The following CNTN1 variants were observed in gnomAD, a reference collection of about 807,000 sequenced individuals.
CNTN1 encodes contactin-1.
A neutral mutation model predicts 126.4 loss-of-function variants in CNTN1; 38 were observed. The observed-to-expected ratio is 0.30, with a 90% CI of 0.23 to 0.39. The LOEUF (loss-of-function observed/expected upper bound fraction) is 0.39, where lower values mean the gene tolerates loss of function less well. CNTN1 is among the 10% of genes least tolerant of loss of function. The pLI, the probability that CNTN1 is intolerant of heterozygous loss-of-function variation, is 1.00. For synonymous variants in CNTN1, 413 were observed against 422.6 expected (o/e 0.98, Z 0.28); for missense variants, 1,009 against 1,248.4 (o/e 0.81, Z 2.89).
At chr12:41,067,267 C>T (rs1950065228) in intron 23 of CNTN1, among the ~76,000 whole-genome samples, 2 of 152,010 alleles carry the variant, frequency 1.3e-5, no homozygotes, top group Non-Finnish European at 2.9e-5. Flanking sequence ...ATGTCAAAGC[C>T]ACAAATTATG....
chr12:40,807,077 A>G (rs151029183), intron 1 of CNTN1, among the ~76,000 whole-genome samples: 396 of 152,206 alleles, frequency 2.6e-3, no homozygotes, highest in African/African-American at 8.9e-3. Context: ...GATAATTCAT[A>G]CAAAATAATC....
chr12:41,017,060 C>A, intron 19 of CNTN1, 144 bp downstream of exon 19: 1 of 697,444 alleles, frequency 1.4e-6, no homozygotes, highest in Non-Finnish European at 2.6e-6. Context: ...CTATTTTGAA[C>A]CAAATTAAAC....
At chr12:40,801,171 C>T (rs1029097669) in intron 1 of CNTN1, among the ~76,000 whole-genome samples, 5 of 151,882 alleles carry the variant, frequency 3.3e-5, no homozygotes, top group Admixed American at 1.3e-4. Context: ...CAGCAAGCAT[C>T]TCAGTTCTAG....
chr12:40,774,500 T>C (rs1311062632), intron 1 of CNTN1, among the ~76,000 whole-genome samples: 1 of 151,674 alleles, frequency 6.6e-6, no homozygotes, highest in Non-Finnish European at 1.5e-5. Flanking sequence ...TTATAGAAAA[T>C]ATATGTGATC....
Position 41,043,584 on chromosome 12 carries a change from C to T in CNTN1, c.2980+14365C>T, listed in dbSNP as rs1001600262. On this transcript the variant is annotated intron_variant, in intron 23 of 23. Transcript: ENST00000551295. ...AACTAGTTCAACCATTGTGGAAGTC[C>T]GTGTGGCAATTCCTCAGGGGTCTAG... 3.3e-5 allele frequency among the ~76,000 whole-genome samples: 5 copies of T among 151,968 alleles called. No homozygotes were observed. In the East Asian group the frequency reaches 7.7e-4, roughly 24 times the overall value.
chr12:40,843,105 A>C (rs909223987), intron 1 of CNTN1, among the ~76,000 whole-genome samples: 3 of 152,184 alleles, frequency 2.0e-5, no homozygotes, highest in Non-Finnish European at 4.4e-5. Context: ...TTTCCAATGA[A>C]AACTAACTCC....
In CNTN1 at chr12:40,852,350, T is replaced by A. The variant is rs141901539; in HGVS notation, c.-76-56007T>A. Among the ~76,000 whole-genome samples the A allele has an allele frequency of 3.5e-3, 532 of 152,218 alleles. 4 individuals are homozygous for A. Among genetic ancestry groups the A allele is most frequent in the African/African-American group, 0.012 (500 of 41,534 alleles). Reference sequence around the variant, plus strand: ...ATAGATGAGGAAACGTTCAGAGAAGTTGGCTTTTGGGTTGATCAGCAATGC... The same window carrying A: ...ATAGATGAGGAAACGTTCAGAGAAGATGGCTTTTGGGTTGATCAGCAATGC... On this transcript the variant is annotated intron_variant, in intron 1 of 23. Coordinates refer to ENST00000551295, the MANE Select transcript of CNTN1 (RefSeq NM_001843.4).
chr12:40,953,684 C>T (rs1021196118), intron 14 of CNTN1, among the ~76,000 whole-genome samples: 2 of 151,828 alleles, frequency 1.3e-5, no homozygotes, highest in African/African-American at 2.4e-5. Flanking sequence ...GTTTAAAAAT[C>T]GTAAAAGAGT....
At chr12:41,036,202 A>G (rs146987149) in intron 23 of CNTN1, among the ~76,000 whole-genome samples, 1 of 151,958 alleles carries the variant, frequency 6.6e-6, no homozygotes, top group African/African-American at 2.4e-5. Flanking sequence ...GTATGTGAAG[A>G]CTCCAGCTTC....
At position 41,061,421 on chromosome 12, in the gene CNTN1, C is replaced by G. The variant is rs75242464; in HGVS notation, c.2981-8538C>G. ...ACTGCCAGGATAAGCTGCCAGAAAA[C>G]CATGTACCTCTGCCAAACAAACAAA... is the stretch of plus-strand genomic sequence containing the variant. On this transcript the variant is annotated intron_variant, in intron 23 of 23. Transcript: ENST00000551295. Among the ~76,000 whole-genome samples the G allele has an allele frequency of 4.0e-3, 603 of 152,206 alleles. 7 individuals carry two copies. Among genetic ancestry groups the G allele is most frequent in the African/African-American group, 0.014 (579 of 41,528 alleles).
At chr12:41,013,338 C>T (rs2120721359) in intron 17 of CNTN1, among the ~76,000 whole-genome samples, 1 of 152,250 alleles carries the variant, frequency 6.6e-6, no homozygotes, top group Middle Eastern at 3.4e-3. Flanking sequence ...TTCAAGCTCC[C>T]AGCTTGCTTG....
intron 1 of CNTN1, among the ~76,000 whole-genome samples, chr12:40,782,700 T>C (rs1939850681): frequency 6.6e-6 from 1 of 151,944 alleles, no homozygotes; most frequent in African/African-American, 2.4e-5. Context: ...GAGAAAGTGA[T>C]TTTTCCAGCT....
chr12:40,957,515 A>G (rs1278311487), intron 14 of CNTN1, among the ~76,000 whole-genome samples: 1 of 151,212 alleles, frequency 6.6e-6, no homozygotes, highest in Non-Finnish European at 1.5e-5. Flanking sequence ...TTTACTAGGT[A>G]AGACTTCATG....
chr12:40,952,193 C>T (rs1317489192), intron 14 of CNTN1, among the ~76,000 whole-genome samples: 1 of 151,986 alleles, frequency 6.6e-6, no homozygotes, highest in African/African-American at 2.4e-5. Flanking sequence ...GAAACTAGGG[C>T]TATATATTAC....
intron 1 of CNTN1, among the ~76,000 whole-genome samples, chr12:40,849,136 C>T (rs983667557): frequency 2.6e-5 from 4 of 152,044 alleles, no homozygotes; most frequent in African/African-American, 9.7e-5. Flanking sequence ...AAGCTTCAGG[C>T]TACTGATCAT....
chr12:40,799,517 C>A (rs532212806), intron 1 of CNTN1, among the ~76,000 whole-genome samples: 1 of 151,958 alleles, frequency 6.6e-6, no homozygotes, highest in South Asian at 2.1e-4. Flanking sequence ...CAGAACATAA[C>A]CCTTGTGTTT....
At chr12:40,862,811 T>C (rs1943162755) in intron 1 of CNTN1, among the ~76,000 whole-genome samples, 1 of 152,206 alleles carries the variant, frequency 6.6e-6, no homozygotes, top group Non-Finnish European at 1.5e-5. Context: ...GCTACATCTG[T>C]AATCTTTATA....
chr12:41,063,976 C>T (rs1413910449), intron 23 of CNTN1, among the ~76,000 whole-genome samples: 1 of 151,986 alleles, frequency 6.6e-6, no homozygotes, highest in Non-Finnish European at 1.5e-5. Context: ...GGAGTTGAGA[C>T]CATCCTGGCT....
rs1013047407 is a variant in CNTN1 at position 41,070,426 on chromosome 12, G to C, written c.*391G>C. 1.4e-5 allele frequency: 4 copies of C among 290,664 alleles called. No homozygotes were observed. Among genetic ancestry groups the C allele is most frequent in the Non-Finnish European group, 2.7e-5 (4 of 149,752 alleles). The allele number at this position is 290,664 out of a possible 1,614,324, so 18.0% of individuals were successfully genotyped here. On this transcript the variant is annotated 3_prime_UTR_variant, in exon 24 of 24. Transcript: ENST00000551295. ...TAATAACAAGTTGTGAAATATAATA[G>C]AGATTGAAATGTTGGTTGTATGTGG...
Sources: allele counts gnomAD v4.1 joint callset (sites outside exome capture counted in the v4.1 genomes callset), GRCh38; gene constraint gnomAD v4.1.1; transcripts MANE v1.5; gene names NCBI Gene and HGNC (gene_info 2026-07-23, HGNC 2026-07-21).